Variants in KDM2A observed in about 807,000 individuals in gnomAD.
The protein encoded by KDM2A is lysine-specific demethylase 2A.
In KDM2A, 3 loss-of-function variants were observed where a neutral mutation model predicts 137.3. The observed-to-expected ratio is 0.02, with a 90% CI of 0.01 to 0.06. The LOEUF is 0.06. Ranked by LOEUF, KDM2A falls within the 10% of genes least tolerant of loss-of-function variation. KDM2A has a pLI of 1.00. For synonymous variants in KDM2A, 512 were observed against 541.5 expected, an observed-to-expected ratio of 0.95 and a Z score of 0.76; for missense variants, 738 against 1,510.6, an observed-to-expected ratio of 0.49 and a Z score of 8.48.
At chr11:67,203,510 T>A (rs998540093) in intron 5 of KDM2A, among the ~76,000 whole-genome samples, 11 of 147,592 alleles carry the variant, frequency 7.5e-5, no homozygotes, top group Non-Finnish European at 1.5e-4. Flanking sequence ...ATATAATATA[T>A]AATATAAAAT....
chr11:67,207,710 A>G (rs1257982486), intron 6 of KDM2A, 22 bp downstream of exon 6: 16 of 1,559,154 alleles, frequency 1.0e-5, no homozygotes, highest in Admixed American at 9.2e-5. Context: ...CATTTTCTTC[A>G]TATTGTCATT....
At chr11:67,235,489 G>T (rs1196052167) in intron 12 of KDM2A, among the ~76,000 whole-genome samples, 1 of 151,830 alleles carries the variant, frequency 6.6e-6, no homozygotes. Flanking sequence ...TTTTAGTAGA[G>T]ACTGGGCTTC....
Position 67,254,515 on chromosome 11 carries a change from T to A in KDM2A, c.3307+97T>A. The A allele has an allele frequency of 3.0e-6, 3 of 1,015,494 alleles. No individual in the cohort carries two copies. The highest frequency in any genetic ancestry group is 4.6e-6 in the Non-Finnish European group (3 of 651,976). 62.9% of individuals were successfully genotyped at this position (1,015,494 alleles called of 1,614,324 possible). A position where few individuals can be genotyped will look rare whatever the true frequency, so the allele number is the denominator to read the frequency against. On this transcript the variant is annotated intron_variant, in intron 20 of 20. Transcript: ENST00000529006. This position sits in a 1 kb window ranked among gnomAD's most constrained non-coding sequence, Gnocchi z 4.7. ...ACCAGAATGACCTTGGGTCTGTTGA[T>A]TGACCCACATCAGCTCATTTCTTCA... is the stretch of plus-strand genomic sequence containing the variant.
At chr11:67,246,950 G>A (rs1859236255) in intron 15 of KDM2A, among the ~76,000 whole-genome samples, 1 of 144,614 alleles carries the variant, frequency 6.9e-6, no homozygotes, top group Admixed American at 7.0e-5. Context: ...GTTTTGTTTT[G>A]TTTTTGAGAC....
intron 12 of KDM2A, chr11:67,240,305 A>C: frequency 1.3e-6 from 2 of 1,535,660 alleles, no homozygotes; most frequent in Non-Finnish European, 1.7e-6. Flanking sequence ...ACAGAAAACA[A>C]AACAAAGACG....
chr11:67,194,390 A>G (rs1857431336), intron 5 of KDM2A, among the ~76,000 whole-genome samples: 1 of 152,200 alleles, frequency 6.6e-6, no homozygotes, highest in African/African-American at 2.4e-5. Context: ...AGTCTTTCTG[A>G]GGCGTAGGTC....
At chr11:67,241,237 C>T (rs1859031344) in intron 12 of KDM2A, among the ~76,000 whole-genome samples, 1 of 152,152 alleles carries the variant, frequency 6.6e-6, no homozygotes, top group Non-Finnish European at 1.5e-5. Context: ...ATTAGGAGCC[C>T]ATACCAGAGC....
chr11:67,155,442 G>A (rs948622552), intron 2 of KDM2A, among the ~76,000 whole-genome samples: 4 of 151,672 alleles, frequency 2.6e-5, no homozygotes, highest in Non-Finnish European at 5.9e-5. Flanking sequence ...CTGCGTATCT[G>A]GGGCTGTAGG....
At chr11:67,253,309 A>G in intron 18 of KDM2A, 144 bp from the exon 19 acceptor site, 1 of 733,338 alleles carries the variant, frequency 1.4e-6, no homozygotes, top group Non-Finnish European at 2.3e-6. Context: ...TACCATGGAA[A>G]TCTTTGAGCT....
At chr11:67,169,436 G>A (rs1035853910) in intron 2 of KDM2A, among the ~76,000 whole-genome samples, 2 of 146,206 alleles carry the variant, frequency 1.4e-5, no homozygotes, top group African/African-American at 5.1e-5. Context: ...CTGAAATGCA[G>A]TGGCACCATC....
intron 2 of KDM2A, among the ~76,000 whole-genome samples, chr11:67,153,063 C>A (rs985247655): frequency 6.6e-6 from 1 of 151,928 alleles, no homozygotes; most frequent in Non-Finnish European, 1.5e-5. Context: ...CAGCTCACTG[C>A]AACGTCTGCC....
At position 67,180,520 on chromosome 11, in the gene KDM2A, A is replaced by G. The variant is rs1476328285; in HGVS notation, c.181+303A>G. The G allele has an allele frequency of 2.0e-5, 5 of 252,996 alleles. No individual in the cohort carries two copies. In the South Asian group the frequency reaches 2.6e-4, roughly 13 times the overall value. The allele number at this position is 252,996 out of a possible 1,614,324, so 15.7% of individuals were successfully genotyped here. On this transcript the variant is annotated intron_variant, in intron 3 of 20. Transcript: ENST00000529006. ...TTTAAATTTAATTAAAAATAGTACA[A>G]TAGAAATCCTTTTATGTATATATCT...
intron 2 of KDM2A, among the ~76,000 whole-genome samples, chr11:67,140,479 C>T (rs913921825): frequency 2.0e-5 from 3 of 152,048 alleles, no homozygotes; most frequent in Non-Finnish European, 2.9e-5. Flanking sequence ...AGGCCTGGTG[C>T]GATGGTTCAC....
rs767630504 is a variant in KDM2A at position 67,217,748 on chromosome 11, C to T, written c.705C>T (p.Pro235=). The change falls in exon 9 of 21, where the codon CCC becomes CCT. Residue 235 remains proline (P), a synonymous_variant. Transcript: ENST00000529006. ...HQGGKVFWLI[P]PTAHNLELYE... ...ACTCACAGGTCTTCTGGCTCATCCC[C>T]CCTACAGCCCACAACCTGGAGCTGT... 6.2e-5 allele frequency: 100 copies of T among 1,613,540 alleles called. No homozygotes were observed. Among genetic ancestry groups the T allele is most frequent in the Non-Finnish European group, 7.5e-5 (89 of 1,179,798 alleles).
intron 2 of KDM2A, among the ~76,000 whole-genome samples, chr11:67,156,846 G>A (rs573689975): frequency 3.3e-5 from 5 of 152,054 alleles, no homozygotes; most frequent in African/African-American, 9.6e-5. Flanking sequence ...CCGAGATCGC[G>A]CCACTGCACT....
In KDM2A at chr11:67,241,419, T is replaced by TTCTTGGCTATGAGTGAAAGGG. The variant is rs531838832; in HGVS notation, c.1480-1585_1480-1565dup. 7.1e-3 allele frequency among the ~76,000 whole-genome samples: 1,086 copies of TTCTTGGCTATGAGTGAAAGGG among 152,254 alleles called. 5 individuals carry two copies. Among genetic ancestry groups the TTCTTGGCTATGAGTGAAAGGG allele is most frequent in the Admixed American group, 0.01 (153 of 15,292 alleles). On this transcript the variant is annotated intron_variant, in intron 12 of 20. Transcript: ENST00000529006. ...CAAAAGGGGATCTTAGTAGAGGAGC[T>TTCTTGGCTATGAGTGAAAGGG]TCTTGGCTATGAGTGAAAGGGTCTT... is the stretch of plus-strand genomic sequence containing the variant.
In KDM2A at chr11:67,255,108, C is replaced by A. The variant is rs374414971; in HGVS notation, c.*53C>A. 4 of 1,514,074 alleles carry A rather than the reference C, an allele frequency of 2.6e-6. No individual in the cohort carries two copies. The highest frequency in any genetic ancestry group is 1.8e-6 in the Non-Finnish European group (2 of 1,114,448). The allele number at this position is 1,514,074 out of a possible 1,614,324, so 93.8% of individuals were successfully genotyped here. A position where few individuals can be genotyped will look rare whatever the true frequency, so the allele number is the denominator to read the frequency against. On this transcript the variant is annotated 3_prime_UTR_variant, in exon 21 of 21. Coordinates refer to ENST00000529006, the MANE Select transcript of KDM2A (RefSeq NM_012308.3). ...AACCGATCTTCCCCTGACTCCCCAC[C>A]GAGGAGAGCCTCTCCTCGACCCTGC...
At chr11:67,141,215 C>T (rs58663339) in intron 2 of KDM2A, among the ~76,000 whole-genome samples, 2 of 151,926 alleles carry the variant, frequency 1.3e-5, no homozygotes, top group Non-Finnish European at 2.9e-5. Flanking sequence ...TCTTCATATG[C>T]GAAACAATTT....
At chr11:67,153,205 G>T (rs570965453) in intron 2 of KDM2A, among the ~76,000 whole-genome samples, 2 of 152,100 alleles carry the variant, frequency 1.3e-5, no homozygotes, top group Admixed American at 6.6e-5. Flanking sequence ...GGCTGGTCTC[G>T]AATTCCTGAC....
Sources: allele counts gnomAD v4.1 joint callset (sites outside exome capture counted in the v4.1 genomes callset), GRCh38; gene constraint gnomAD v4.1.1; non-coding constraint Gnocchi (gnomAD v3.1); transcripts MANE v1.5; gene names NCBI Gene and HGNC (gene_info 2026-07-23, HGNC 2026-07-21).